Variants in GADL1 observed in about 807,000 individuals in gnomAD.
GADL1 encodes GAD like acidic amino acid decarboxylase 1.
A neutral mutation model predicts 69.5 loss-of-function variants in GADL1; 71 were observed. The ratio of observed to expected loss-of-function variants is 1.02; its 90% CI spans 0.84 to 1.25. The LOEUF (loss-of-function observed/expected upper bound fraction) is 1.25, where lower values mean the gene tolerates loss of function less well. GADL1 is among the 50% of genes most tolerant of loss of function. The probability of loss-of-function intolerance (pLI) is 0.00; values close to 1 mark genes in which losing one functional copy is unlikely to be tolerated. For missense variants in GADL1, 737 were observed against 631.8 expected, an observed-to-expected ratio of 1.17 and a Z score of -1.79; for synonymous variants, 254 against 214.4, an observed-to-expected ratio of 1.18 and a Z score of -1.62.
chr3:30,869,634 A>AT (rs140324096), intron 1 of GADL1, among the ~76,000 whole-genome samples: 21,423 of 150,648 alleles, frequency 0.14, 1,622 homozygotes, highest in South Asian at 0.18. Context: ...ATTTTATTTT[A>AT]TTTTTTTTTG....
chr3:30,820,307 A>G lies in GADL1; in HGVS notation c.1050+13546T>C, dbSNP rs149718284. ...GAATGTATAACTTAGGGCAACTTCA[A>G]TAAAATCACAAAGACAAGAATGTCT... On this transcript the variant is annotated intron_variant, in intron 11 of 14. Coordinates refer to ENST00000282538, the MANE Select transcript of GADL1 (RefSeq NM_207359.3). 6.2e-3 allele frequency among the ~76,000 whole-genome samples: 944 copies of G among 152,156 alleles called. 12 individuals are homozygous for G. Among genetic ancestry groups the G allele is most frequent in the African/African-American group, 0.021 (890 of 41,532 alleles).
intron 14 of GADL1, among the ~76,000 whole-genome samples, chr3:30,757,692 A>AT (rs1209857692): frequency 6.6e-6 from 1 of 152,154 alleles, no homozygotes; most frequent in Non-Finnish European, 1.5e-5. Context: ...AGTTCTTGGG[A>AT]TTAGTAGATC....
intron 1 of GADL1, among the ~76,000 whole-genome samples, chr3:30,890,655 C>A (rs1015839620): frequency 6.6e-6 from 1 of 152,168 alleles, no homozygotes; most frequent in African/African-American, 2.4e-5. Context: ...GACTCAGCAG[C>A]AGACCAAATG....
At chr3:30,796,316 T>C (rs528024660) in intron 12 of GADL1, among the ~76,000 whole-genome samples, 1 of 152,122 alleles carries the variant, frequency 6.6e-6, no homozygotes, top group Non-Finnish European at 1.5e-5. Flanking sequence ...GACTGTCTTG[T>C]TTTTTCACCA....
At chr3:30,730,220 T>C (rs574448720) in intron 14 of GADL1, among the ~76,000 whole-genome samples, 1 of 152,268 alleles carries the variant, frequency 6.6e-6, no homozygotes, top group South Asian at 2.1e-4. Context: ...TTTGTATGCA[T>C]TGGTTGAGTT....
chr3:30,884,916 A>G (rs1698683998), intron 1 of GADL1, among the ~76,000 whole-genome samples: 1 of 151,946 alleles, frequency 6.6e-6, no homozygotes, highest in African/African-American at 2.4e-5. Flanking sequence ...TATCACCTTT[A>G]TCGTATGGGG....
rs534601699 is a variant in GADL1 at position 30,780,975 on chromosome 3, CTAA to C, written c.1303-2710_1303-2708del. Among the ~76,000 whole-genome samples the C allele has an allele frequency of 8.8e-4, 134 of 152,294 alleles. No individual in the cohort carries two copies. The South Asian group carries it at 9.1e-3, about 10-fold the overall frequency. On this transcript the variant is annotated intron_variant, in intron 13 of 14. Coordinates refer to ENST00000282538, the MANE Select transcript of GADL1 (RefSeq NM_207359.3). ...TAATTCTTAAAGAGACTTCAAAGCA[CTAA>C]TGAGTATTTTCAGAGTAAATCATTT...
chr3:30,839,204 G>C lies in GADL1; in HGVS notation c.787-91C>G, dbSNP rs912449557. On this transcript the variant is annotated intron_variant, in intron 8 of 14. Coordinates refer to ENST00000282538, the MANE Select transcript of GADL1 (RefSeq NM_207359.3). ...GAAAATATAAAGGGTTATGCATCCA[G>C]AGAGTTATTTGGGTTTTTTGGAGGT... is the stretch of plus-strand genomic sequence containing the variant. 3 of 797,940 alleles carry C rather than the reference G, an allele frequency of 3.8e-6. No homozygotes were observed. In the African/African-American group the frequency reaches 5.4e-5, roughly 14 times the overall value. The allele number at this position is 797,940 out of a possible 1,614,324, so 49.4% of individuals were successfully genotyped here. A position where few individuals can be genotyped will look rare whatever the true frequency, so the allele number is the denominator to read the frequency against.
At chr3:30,744,412 T>A (rs1040443329) in intron 14 of GADL1, among the ~76,000 whole-genome samples, 2 of 152,108 alleles carry the variant, frequency 1.3e-5, no homozygotes, top group African/African-American at 2.4e-5. Context: ...ATGGCAAAAA[T>A]TTTTTGTGAA....
chr3:30,854,852 A>G (rs1446723491), intron 3 of GADL1, 63 bp from the exon 4 acceptor site: 6 of 775,636 alleles, frequency 7.7e-6, no homozygotes, highest in East Asian at 2.7e-5. Context: ...CTGATACAGC[A>G]TTAACATAAA....
Position 30,840,259 on chromosome 3 carries a change from C to G in GADL1, c.787-1146G>C, listed in dbSNP as rs150154378. Among the ~76,000 whole-genome samples the G allele has an allele frequency of 1.6e-3, 244 of 152,198 alleles. 5 individuals carry two copies. In the East Asian group the frequency reaches 0.035, roughly 22 times the overall value. ...TCTTTCCAATTTAACCGACTTTTGA[C>G]AGAAAGATGTTATTTCTCAATGGAA... is the stretch of plus-strand genomic sequence containing the variant. On this transcript the variant is annotated intron_variant, in intron 8 of 14. Coordinates refer to ENST00000282538, the MANE Select transcript of GADL1 (RefSeq NM_207359.3).
chr3:30,884,611 G>T (rs1272448569), intron 1 of GADL1, among the ~76,000 whole-genome samples: 1 of 151,994 alleles, frequency 6.6e-6, no homozygotes, highest in Non-Finnish European at 1.5e-5. Flanking sequence ...TGAGCAGAAA[G>T]AATCTTTGAT....
At chr3:30,796,287 T>A (rs1327208770) in intron 12 of GADL1, among the ~76,000 whole-genome samples, 2 of 152,160 alleles carry the variant, frequency 1.3e-5, no homozygotes, top group East Asian at 1.9e-4. Context: ...CAGCTATAAA[T>A]AATTTATGGT....
chr3:30,874,970 A>G (rs1698557437), intron 1 of GADL1, among the ~76,000 whole-genome samples: 2 of 151,868 alleles, frequency 1.3e-5, no homozygotes, highest in Admixed American at 6.6e-5. Flanking sequence ...ACTGCATCCA[A>G]CCTGTGCATT....
intron 14 of GADL1, among the ~76,000 whole-genome samples, chr3:30,739,514 T>A (rs1373863531): frequency 6.6e-6 from 1 of 152,230 alleles, no homozygotes; most frequent in African/African-American, 2.4e-5. Flanking sequence ...AGTTGTTCAT[T>A]ATCCATACAA....
chr3:30,801,251 G>C (rs1697159543), intron 11 of GADL1, among the ~76,000 whole-genome samples, 163 bp from the exon 12 acceptor site: 1 of 152,074 alleles, frequency 6.6e-6, no homozygotes, highest in Admixed American at 6.6e-5. Flanking sequence ...TTGACTTTCA[G>C]ATACACATTA....
intron 12 of GADL1, chr3:30,800,206 T>G (rs897834582): frequency 7.2e-5 from 11 of 152,960 alleles, no homozygotes; most frequent in African/African-American, 2.7e-4. Flanking sequence ...TTAATTGGAC[T>G]TACAGTTCCA....
chr3:30,762,417 C>T (rs1696159384), intron 14 of GADL1, among the ~76,000 whole-genome samples: 1 of 152,178 alleles, frequency 6.6e-6, no homozygotes, highest in Non-Finnish European at 1.5e-5. Flanking sequence ...CATATCTGAA[C>T]TCATGTACTT....
chr3:30,814,681 G>A (rs1697427831), intron 11 of GADL1, among the ~76,000 whole-genome samples: 1 of 152,064 alleles, frequency 6.6e-6, no homozygotes, highest in Non-Finnish European at 1.5e-5. Context: ...CAAATTTGTA[G>A]AGGCAGAAAA....
Sources: allele counts gnomAD v4.1 joint callset (sites outside exome capture counted in the v4.1 genomes callset), GRCh38; gene constraint gnomAD v4.1.1; transcripts MANE v1.5; gene names NCBI Gene and HGNC (gene_info 2026-07-23, HGNC 2026-07-21).